The following VCF1 variants were observed in gnomAD, a reference collection of about 807,000 sequenced individuals.
VCF1 encodes the protein VCP nuclear cofactor family member 1.
At chr17:73,224,024 G>A in the VCF1 span, among the ~76,000 whole-genome samples, 2 of 149,434 alleles carry the variant, frequency 1.3e-5, no homozygotes, top group African/African-American at 4.9e-5. Context: ...GAGGGAAGAA[G>A]GGAGGGAGGG....
the VCF1 span, among the ~76,000 whole-genome samples, chr17:73,230,187 T>TC: frequency 6.6e-6 from 1 of 151,956 alleles, no homozygotes; most frequent in African/African-American, 2.4e-5. Context: ...CTCCAGCTAC[T>TC]CAGGAGGCTG....
At chr17:73,224,920 G>GC in the VCF1 span, among the ~76,000 whole-genome samples, 45 of 119,408 alleles carry the variant, frequency 3.8e-4, 1 homozygote, top group African/African-American at 1.0e-3. Context: ...GACAGGACAG[G>GC]ACAGGACAGG....
the VCF1 span, chr17:73,209,178 C>T: frequency 7.6e-6 from 2 of 263,010 alleles, no homozygotes; most frequent in Non-Finnish European, 1.4e-5. Context: ...TTAAAAGGCC[C>T]TTTACATAAA....
the VCF1 span, among the ~76,000 whole-genome samples, chr17:73,226,169 G>A: frequency 6.6e-6 from 1 of 152,014 alleles, no homozygotes; most frequent in Non-Finnish European, 1.5e-5. Context: ...CCAAAGGGCT[G>A]GGATTATAGG....
chr17:73,208,873 T>C, the VCF1 span: 2 of 303,868 alleles, frequency 6.6e-6, no homozygotes, highest in South Asian at 3.1e-5. Context: ...TATCTGGGTA[T>C]ACAAGAATCT....
the VCF1 span, among the ~76,000 whole-genome samples, chr17:73,219,594 G>C: frequency 1.3e-5 from 2 of 151,220 alleles, no homozygotes; most frequent in African/African-American, 4.9e-5. Flanking sequence ...AGCTTGCAGT[G>C]AGCGGAGATC....
chr17:73,229,616 A>G, the VCF1 span: 1 of 982,810 alleles, frequency 1.0e-6, no homozygotes, highest in Non-Finnish European at 1.2e-6. Context: ...CTGTAATCCC[A>G]GCACTTTGGG....
the VCF1 span, chr17:73,229,489 A>G: frequency 1.2e-5 from 12 of 985,458 alleles, no homozygotes; most frequent in Non-Finnish European, 1.4e-5. Flanking sequence ...TTACTTCTAC[A>G]GATGGTTGAT....
chr17:73,216,683 C>T, the VCF1 span, among the ~76,000 whole-genome samples: 3 of 152,188 alleles, frequency 2.0e-5, no homozygotes, highest in Non-Finnish European at 4.4e-5. Flanking sequence ...GAAGGACACA[C>T]TACTCTCTTT....
chr17:73,231,385 A>G, the VCF1 span, among the ~76,000 whole-genome samples: 1 of 152,174 alleles, frequency 6.6e-6, no homozygotes, highest in Non-Finnish European at 1.5e-5. Flanking sequence ...GTACATGTCA[A>G]GCACAGAACC....
At chr17:73,231,037 G>A in the VCF1 span, among the ~76,000 whole-genome samples, 1 of 152,294 alleles carries the variant, frequency 6.6e-6, no homozygotes, top group East Asian at 1.9e-4. Flanking sequence ...CCGATGGCAT[G>A]TCTGTAATTG....
the VCF1 span, among the ~76,000 whole-genome samples, chr17:73,214,817 G>A: frequency 6.6e-6 from 1 of 152,220 alleles, no homozygotes; most frequent in Non-Finnish European, 1.5e-5. Context: ...TTTACCAAAA[G>A]AGAAACAAGG....
chr17:73,222,238 A>T, the VCF1 span, among the ~76,000 whole-genome samples: 3 of 151,642 alleles, frequency 2.0e-5, no homozygotes, highest in African/African-American at 7.3e-5. Flanking sequence ...ACTTCAACTT[A>T]AAAAAATAGT....
the VCF1 span, among the ~76,000 whole-genome samples, chr17:73,211,371 C>T: frequency 6.6e-6 from 1 of 151,970 alleles, no homozygotes; most frequent in East Asian, 1.9e-4. Context: ...AGTTTTGAGA[C>T]CAGCCTAGCC....
At chr17:73,232,004 C>CAA in the VCF1 span, 1 of 1,433,740 alleles carries the variant, frequency 7.0e-7, no homozygotes, top group Non-Finnish European at 9.4e-7. Flanking sequence ...ACTCTTGCTC[C>CAA]GACCCCCATT....
At chr17:73,226,823 A>C in the VCF1 span, among the ~76,000 whole-genome samples, 2 of 152,240 alleles carry the variant, frequency 1.3e-5, no homozygotes, top group Non-Finnish European at 2.9e-5. Context: ...AAATATGTTT[A>C]TCTTAAGGAC....
chr17:73,224,817 C>T, the VCF1 span, among the ~76,000 whole-genome samples: 1 of 114,178 alleles, frequency 8.8e-6, no homozygotes, highest in Admixed American at 8.6e-5. Flanking sequence ...CCAGGAAGCA[C>T]AGCGCAGCAC....
At chr17:73,228,331 G>C in the VCF1 span, among the ~76,000 whole-genome samples, 1 of 152,266 alleles carries the variant, frequency 6.6e-6, no homozygotes, top group Non-Finnish European at 1.5e-5. Flanking sequence ...TGTACATTTG[G>C]AGGATATAGT....
chr17:73,218,544 T>C, the VCF1 span, among the ~76,000 whole-genome samples: 2 of 152,212 alleles, frequency 1.3e-5, no homozygotes, highest in African/African-American at 4.8e-5. Flanking sequence ...AAGATGTGTA[T>C]GTGTATATCT....
Sources: allele counts gnomAD v4.1 joint callset (sites outside exome capture counted in the v4.1 genomes callset), GRCh38; gene constraint gnomAD v4.1.1; transcripts MANE v1.5; gene names NCBI Gene and HGNC (gene_info 2026-07-23, HGNC 2026-07-21).